Variants in CTSV observed in about 807,000 individuals in gnomAD.
CTSV encodes cathepsin L2.
A neutral mutation model predicts 35.6 loss-of-function variants in CTSV; 33 were observed. The ratio of observed to expected loss-of-function variants is 0.93; its 90% confidence interval spans 0.70 to 1.24. The LOEUF (loss-of-function observed/expected upper bound fraction) is 1.24. Ranked by LOEUF, CTSV falls within the 50% of genes most tolerant of loss-of-function variation. CTSV has a pLI of 0.00. For synonymous variants in CTSV, 154 were observed against 147.1 expected (o/e 1.05, Z -0.34); for missense variants, 408 against 413.1 (o/e 0.99, Z 0.11).
chr9:97,038,162 G>C, intron 1 of CTSV, 109 bp from the exon 2 acceptor site: 1 of 1,231,712 alleles, frequency 8.1e-7, no homozygotes, highest in South Asian at 1.6e-5. Flanking sequence ...ATTTCCCCAA[G>C]GACTGTGGAA....
upstream of CTSV, chr9:97,039,371 G>C (rs2119240178): frequency 6.5e-6 from 1 of 152,954 alleles, no homozygotes; most frequent in South Asian, 2.1e-4. Context: ...GGAGGAGGGG[G>C]AGGCGCCTCC....
At position 97,034,797 on chromosome 9, in the gene CTSV, A is replaced by G. The variant is rs756913407; in HGVS notation, c.834T>C (p.Gly278=). The G allele has an allele frequency of 6.2e-7, 1 of 1,614,108 alleles. No homozygotes were observed. The highest frequency in any genetic ancestry group is 8.5e-7 in the Non-Finnish European group (1 of 1,180,018). ...PDCSSKNLDH[G]VLVVGYGFEG... The stretch of plus-strand genomic sequence containing the variant: ...CAAAGCCGTAGCCAACCACCAGAAC[A>G]CCATGATCCAGGTTTTTGCTGCTGC... The change falls in exon 7 of 8, where the codon GGT becomes GGC. Residue 278 remains glycine (G), a synonymous_variant. Transcript: ENST00000259470.
intron 4 of CTSV, 140 bp downstream of exon 4, chr9:97,037,112 A>G: frequency 1.1e-6 from 1 of 896,498 alleles, no homozygotes; most frequent in Non-Finnish European, 1.6e-6. Flanking sequence ...CGTCTCAAAC[A>G]AGCAAACAAA....
Position 97,037,335 on chromosome 9 carries a change from CT to C in CTSV, c.312del (p.Val105CysfsTer22). The C allele has an allele frequency of 6.2e-7, 1 of 1,614,184 alleles. No homozygotes were observed. The highest frequency in any genetic ancestry group is 1.3e-5 in the African/African-American group (1 of 75,042). ...CFRNQKFRKGKVFREPLFLDL... is the reference protein window; with the variant it reads ...CFRNQKFRKGXVFREPLFLDL... ...TCAAGAAACAGAGGCTCACGGAACA[CT>C]TTCCCCTTCCTGAATTTCTGGTTTC... On this transcript the variant is annotated frameshift_variant, in exon 4 of 8. Coordinates refer to ENST00000259470, the MANE Select transcript of CTSV (RefSeq NM_001333.4). LOFTEE classifies it high-confidence loss of function.
chr9:97,035,644 C>G lies in CTSV; in HGVS notation c.671G>C (p.Gly224Ala). ...CTTTCCAGGTGCGACCACTGTGAAGCCAGTGTCATTAGCAACAGAATTCTC... is the reference window on the plus strand; with the variant it reads ...CTTTCCAGGTGCGACCACTGTGAAGGCAGTGTCATTAGCAACAGAATTCTC... ...RPENSVANDT[G>A]FTVVAPGKEK... The change falls in exon 6 of 8, where the codon GGC becomes GCC. Residue 224 changes from glycine to alanine, a missense_variant. Physicochemically the swap from Gly to Ala is moderately conservative, Grantham distance 60. Transcript: ENST00000259470. 6.3e-7 allele frequency: 1 copy of G among 1,597,846 alleles called. No homozygotes were observed. Among genetic ancestry groups the G allele is most frequent in the Non-Finnish European group, 8.5e-7 (1 of 1,171,272 alleles).
chr9:97,038,032 C>A lies in CTSV; in HGVS notation c.12G>T (p.Ser4=). 1 of 1,613,384 alleles carries A rather than the reference C, an allele frequency of 6.2e-7. No individual in the cohort carries two copies. The highest frequency in any genetic ancestry group is 1.3e-5 in the African/African-American group (1 of 74,934). Residue 4 remains serine (S), a synonymous_variant, in exon 2 of 8, where the codon TCG becomes TCT. Transcript: ENST00000259470. ...CCAAGCAAAAGGCAGCCAGGACGAGCGAAAGATTCATGTTTCAAAACCTAG... is the reference window on the plus strand; with the variant it reads ...CCAAGCAAAAGGCAGCCAGGACGAGAGAAAGATTCATGTTTCAAAACCTAG... MNL[S]LVLAAFCLGI...
At position 97,039,073 on chromosome 9, in the gene CTSV, G is replaced by C. The variant is rs1309489191; in HGVS notation, c.-13C>G. 6.5e-6 allele frequency: 1 copy of C among 152,732 alleles called. No individual in the cohort carries two copies. Among genetic ancestry groups the C allele is most frequent in the Non-Finnish European group, 1.5e-5 (1 of 68,476 alleles). The allele number at this position is 152,732 out of a possible 1,614,324, so 9.5% of individuals were successfully genotyped here. On this transcript the variant is annotated splice_region_variant and 5_prime_UTR_variant, in exon 1 of 8. Transcript: ENST00000259470. ...TCGGTCTGGTCGGGGGCGCTCACCA[G>C]CAGCCGTCGCAGCTGCGCAGGCACC...
In CTSV at chr9:97,032,500, A is replaced by C. The variant is rs1257469224; in HGVS notation, c.*449T>G. The C allele has an allele frequency of 6.5e-6, 1 of 153,420 alleles. No homozygotes were observed. The highest frequency in any genetic ancestry group is 1.5e-5 in the Non-Finnish European group (1 of 68,938). The allele number at this position is 153,420 out of a possible 1,614,324, so 9.5% of individuals were successfully genotyped here. On this transcript the variant is annotated 3_prime_UTR_variant, in exon 8 of 8. Coordinates refer to ENST00000259470, the MANE Select transcript of CTSV (RefSeq NM_001333.4). ...ACACAGTAACTGGGCAGCTGATATA[A>C]AGTCTGTATTTTTATAACTACTCAA...
Position 97,036,738 on chromosome 9 carries a change from C to T in CTSV, c.406G>A (p.Gly136Ser). The T allele has an allele frequency of 1.3e-6, 2 of 1,594,488 alleles. No individual in the cohort carries two copies. Among genetic ancestry groups the T allele is most frequent in the East Asian group, 2.2e-5 (1 of 44,728 alleles). The change falls in exon 5 of 8, where the codon GGT becomes AGT. Residue 136 changes from glycine (G) to serine (S), a missense_variant. By Grantham distance (56) the Gly-to-Ser change is moderately conservative. Transcript: ENST00000259470. ...GTCGCACTAAAAGCCCAACAAGAAC[C>T]ACACTGTTTCTAAAAAGGGAGAAAA... ...VTPVKNQKQC[G>S]SCWAFSATGA...
Position 97,029,899 on chromosome 9 carries a change from G to C in CTSV, c.*3050C>G, listed in dbSNP as rs935872793. ...GAATACTTACCACTGTGTTACAACT[G>C]TGTACAGTACTCAGCACAGTGATGT... On this transcript the variant is annotated 3_prime_UTR_variant, in exon 8 of 8. Coordinates refer to ENST00000259470, the MANE Select transcript of CTSV (RefSeq NM_001333.4). 2.0e-5 allele frequency: 3 copies of C among 152,174 alleles called. No homozygotes were observed. The highest frequency in any genetic ancestry group is 4.4e-5 in the Non-Finnish European group (3 of 68,042). The allele number at this position is 152,174 out of a possible 1,614,324, so 9.4% of individuals were successfully genotyped here. A position where few individuals can be genotyped will look rare whatever the true frequency, so the allele number is the denominator to read the frequency against.
At chr9:97,037,822 G>C (rs970978646) in intron 2 of CTSV, 96 bp downstream of exon 2, 95 of 1,509,448 alleles carry the variant, frequency 6.3e-5, no homozygotes, top group Non-Finnish European at 8.1e-5. Context: ...TGCCTGGTAA[G>C]GTCTGGTGTC....
chr9:97,030,841 C>A lies in CTSV; in HGVS notation c.*2108G>T, dbSNP rs144290153. 1 of 152,146 alleles carries A rather than the reference C, an allele frequency of 6.6e-6. No individual in the cohort carries two copies. Among genetic ancestry groups the A allele is most frequent in the African/African-American group, 2.4e-5 (1 of 41,420 alleles). 9.4% of individuals were successfully genotyped at this position (152,146 alleles called of 1,614,324 possible). ...AGCATGGCGTCATGGCCATCATGAACCTGTCACAGTACTGCAGAGATTTTG... is the reference window on the plus strand; with the variant it reads ...AGCATGGCGTCATGGCCATCATGAAACTGTCACAGTACTGCAGAGATTTTG... On this transcript the variant is annotated 3_prime_UTR_variant, in exon 8 of 8. Transcript: ENST00000259470.
intron 7 of CTSV, among the ~76,000 whole-genome samples, chr9:97,034,409 T>A (rs936076822): frequency 6.6e-6 from 1 of 152,342 alleles, no homozygotes; most frequent in South Asian, 2.1e-4. Flanking sequence ...TTCTGCTTAC[T>A]ATTCCTTGTT....
chr9:97,033,671 G>A (rs1828794660), intron 7 of CTSV, among the ~76,000 whole-genome samples: 2 of 152,166 alleles, frequency 1.3e-5, no homozygotes, highest in South Asian at 4.1e-4. Context: ...GGTGGCGCAT[G>A]CCTATAGTCC....
chr9:97,037,364 A>C lies in CTSV; in HGVS notation c.284T>G (p.Phe95Cys). ...NEEFRQMMGC[F>C]RNQKFRKGKV... ...CCCCTTCCTGAATTTCTGGTTTCGA[A>C]AGCAACCCATCATCTGCCTGAATTC... is the stretch of plus-strand genomic sequence containing the variant. The change falls in exon 4 of 8, where the codon TTT (phenylalanine) becomes TGT (cysteine). Residue 95 changes from phenylalanine to cysteine, a missense_variant. Physicochemically the swap from Phe to Cys is radical, Grantham distance 205. Coordinates refer to ENST00000259470, the MANE Select transcript of CTSV (RefSeq NM_001333.4). The C allele has an allele frequency of 6.2e-7, 1 of 1,614,162 alleles. No individual in the cohort carries two copies. The highest frequency in any genetic ancestry group is 8.5e-7 in the Non-Finnish European group (1 of 1,180,026).
rs942783162 is a variant in CTSV, at chr9:97,030,824, G to C, written c.*2125C>G. The C allele has an allele frequency of 1.3e-5, 2 of 152,204 alleles. No homozygotes were observed. Among genetic ancestry groups the C allele is most frequent in the African/African-American group, 4.8e-5 (2 of 41,536 alleles). 9.4% of individuals were successfully genotyped at this position (152,204 alleles called of 1,614,324 possible). The stretch of plus-strand genomic sequence containing the variant: ...CATTCCGGTAAACCTTCAGCATGGC[G>C]TCATGGCCATCATGAACCTGTCACA... On this transcript the variant is annotated 3_prime_UTR_variant, in exon 8 of 8. Transcript: ENST00000259470.
intron 6 of CTSV, 137 bp from the exon 7 acceptor site, chr9:97,034,980 C>G: frequency 1.6e-6 from 1 of 622,254 alleles, no homozygotes; most frequent in Admixed American, 3.0e-5. Context: ...AGGACCCAAA[C>G]AATATTGGCC....
rs1322947639 is a variant in CTSV at position 97,032,883 on chromosome 9, C to T, written c.*66G>A. 5 of 1,112,288 alleles carry T rather than the reference C, an allele frequency of 4.5e-6. No homozygotes were observed. Among genetic ancestry groups the T allele is most frequent in the Admixed American group, 4.5e-5 (2 of 44,134 alleles). 68.9% of individuals were successfully genotyped at this position (1,112,288 alleles called of 1,614,324 possible). A position where few individuals can be genotyped will look rare whatever the true frequency, so the allele number is the denominator to read the frequency against. On this transcript the variant is annotated 3_prime_UTR_variant, in exon 8 of 8. Transcript: ENST00000259470. ...TTATCTTACACAATAAGCGTTTGGT[C>T]AGTTTCAAGATAAAATTTCCCCAGA... is the stretch of plus-strand genomic sequence containing the variant.
intron 2 of CTSV, 62 bp from the exon 3 acceptor site, chr9:97,037,677 C>A: frequency 6.3e-7 from 1 of 1,588,786 alleles, no homozygotes; most frequent in Non-Finnish European, 8.6e-7. Context: ...GTTCACCAAG[C>A]CGATTTGCGG....
Sources: gnomAD v4.1 joint callset for allele counts (sites outside exome capture counted in the v4.1 genomes callset) on GRCh38, gnomAD v4.1.1 for gene constraint, MANE v1.5 for transcripts, NCBI Gene and HGNC (gene_info 2026-07-23, HGNC 2026-07-21) for gene names.